The following NTM variants were observed in gnomAD, a reference collection of about 807,000 sequenced individuals.
NTM encodes neurotrimin, also known as IgLON family member 2.
NTM carries 13 observed loss-of-function variants against 42.1 expected under a neutral mutation model. The ratio of observed to expected loss-of-function variants is 0.31; its 90% confidence interval spans 0.20 to 0.49. The LOEUF (loss-of-function observed/expected upper bound fraction) is 0.49. Ranked by LOEUF, NTM falls within the 20% of genes least tolerant of loss-of-function variation. The pLI, the probability that NTM is intolerant of heterozygous loss-of-function variation, is 0.99. For missense variants in NTM, 373 were observed against 452.8 expected, an observed-to-expected ratio of 0.82 and a Z score of 1.60; for synonymous variants, 187 against 179.2, an observed-to-expected ratio of 1.04 and a Z score of -0.35.
chr11:131,736,419 G>A (rs563424156), intron 1 of NTM, among the ~76,000 whole-genome samples: 1 of 152,246 alleles, frequency 6.6e-6, no homozygotes, highest in East Asian at 1.9e-4. Context: ...CAGTATAGTA[G>A]GTGCCTCTAA....
intron 1 of NTM, among the ~76,000 whole-genome samples, chr11:131,468,775 G>A (rs1344237376): frequency 2.0e-5 from 3 of 152,164 alleles, no homozygotes; most frequent in African/African-American, 7.2e-5. Context: ...AACTCCCTAG[G>A]GAGGTGCAAG....
At chr11:131,800,416 A>G (rs1312301819) in intron 1 of NTM, among the ~76,000 whole-genome samples, 3 of 152,218 alleles carry the variant, frequency 2.0e-5, no homozygotes, top group Admixed American at 6.5e-5. Context: ...AAGGCTCTCC[A>G]TGGGAATTGT....
intron 2 of NTM, among the ~76,000 whole-genome samples, chr11:132,031,236 G>A (rs553911343): frequency 6.6e-6 from 1 of 152,012 alleles, no homozygotes; most frequent in Non-Finnish European, 1.5e-5. Flanking sequence ...TTTACTCTTA[G>A]TGTGAACATC....
intron 2 of NTM, among the ~76,000 whole-genome samples, chr11:131,948,241 T>A (rs2060567062): frequency 6.6e-6 from 1 of 151,788 alleles, no homozygotes; most frequent in Non-Finnish European, 1.5e-5. Flanking sequence ...GGTGGGTGCC[T>A]GTAGTCCCCG....
chr11:132,302,643 A>G (rs899733594), intron 4 of NTM, among the ~76,000 whole-genome samples: 2 of 152,188 alleles, frequency 1.3e-5, no homozygotes, highest in African/African-American at 4.8e-5. Context: ...CTGTCTTGAG[A>G]GCCAGAGATG....
At chr11:131,516,112 T>C (rs1565589132) in intron 1 of NTM, among the ~76,000 whole-genome samples, 1 of 152,252 alleles carries the variant, frequency 6.6e-6, no homozygotes, top group Non-Finnish European at 1.5e-5. Context: ...AAAGCATTAC[T>C]TGAGTGAATG....
chr11:131,431,568 A>G (rs972142430), intron 1 of NTM, among the ~76,000 whole-genome samples: 1 of 152,166 alleles, frequency 6.6e-6, no homozygotes, highest in East Asian at 1.9e-4. Context: ...ACAAGGAAGA[A>G]GCTCTGGGCA....
chr11:131,469,754 C>T (rs1952251622), intron 1 of NTM, among the ~76,000 whole-genome samples: 1 of 152,162 alleles, frequency 6.6e-6, no homozygotes, highest in Admixed American at 6.5e-5. Flanking sequence ...GATCATAGTA[C>T]CTCCCTCACT....
At chr11:131,619,198 G>A (rs1323105414) in intron 1 of NTM, among the ~76,000 whole-genome samples, 1 of 152,212 alleles carries the variant, frequency 6.6e-6, no homozygotes, top group Non-Finnish European at 1.5e-5. Flanking sequence ...GCTGGGCATT[G>A]AGTGGCAAAG....
intron 2 of NTM, among the ~76,000 whole-genome samples, chr11:132,016,806 G>C (rs1345870182): frequency 6.6e-6 from 1 of 151,834 alleles, no homozygotes; most frequent in African/African-American, 2.4e-5. Context: ...ACCAACACTT[G>C]TTACTGTCTT....
intron 1 of NTM, among the ~76,000 whole-genome samples, chr11:131,850,596 T>C (rs573468518): frequency 2.0e-5 from 3 of 152,194 alleles, no homozygotes; most frequent in African/African-American, 7.2e-5. Flanking sequence ...TAAAGAAAAC[T>C]GAGAAACAAA....
intron 1 of NTM, among the ~76,000 whole-genome samples, chr11:131,641,639 A>T (rs2065143182): frequency 6.6e-6 from 1 of 152,186 alleles, no homozygotes; most frequent in South Asian, 2.1e-4. Context: ...AGAGGAAAAG[A>T]CTAGATAATT....
rs570285129 is a variant in NTM at position 131,663,949 on chromosome 11, C to A, written c.83-247615C>A. Among the ~76,000 whole-genome samples, 7 of 152,322 alleles carry A rather than the reference C, an allele frequency of 4.6e-5. No individual in the cohort carries two copies. In the East Asian group the frequency reaches 1.4e-3, roughly 29 times the overall value. On this transcript the variant is annotated intron_variant, in intron 1 of 8. Transcript: ENST00000683400. Reference sequence around the variant, plus strand: ...AGCTTGAATTAGAGCTTGTGTCTATCTGACTACAGTATTTGTGCACTTAAC... The same window carrying A: ...AGCTTGAATTAGAGCTTGTGTCTATATGACTACAGTATTTGTGCACTTAAC...
At chr11:131,464,683 C>T (rs1014339190) in intron 1 of NTM, among the ~76,000 whole-genome samples, 1 of 152,176 alleles carries the variant, frequency 6.6e-6, no homozygotes, top group African/African-American at 2.4e-5. Flanking sequence ...GTCCTGGGAA[C>T]CAGCAGTGCC....
At chr11:131,686,052 CAG>C (rs1039484697) in intron 1 of NTM, among the ~76,000 whole-genome samples, 3 of 152,152 alleles carry the variant, frequency 2.0e-5, no homozygotes, top group Non-Finnish European at 2.9e-5. Flanking sequence ...GCTAAACAGA[CAG>C]GGGCTGATGA....
chr11:132,147,883 AGAAG>A (rs2070906456), intron 3 of NTM, among the ~76,000 whole-genome samples: 1 of 152,170 alleles, frequency 6.6e-6, no homozygotes. Context: ...GTGAGCCGGA[AGAAG>A]GAAGGGGAGG....
intron 1 of NTM, among the ~76,000 whole-genome samples, chr11:131,700,904 T>C (rs1025811617): frequency 8.5e-5 from 13 of 152,256 alleles, no homozygotes; most frequent in Admixed American, 7.9e-4. Context: ...CTGCAGGTTT[T>C]GTCTCTGGAG....
intron 2 of NTM, among the ~76,000 whole-genome samples, chr11:131,952,287 G>C (rs1293886082): frequency 1.3e-5 from 2 of 152,136 alleles, no homozygotes; most frequent in African/African-American, 4.8e-5. Context: ...AATTATAGAT[G>C]TATGCATATG....
At chr11:132,257,787 A>G (rs1244621334) in intron 4 of NTM, among the ~76,000 whole-genome samples, 2 of 152,194 alleles carry the variant, frequency 1.3e-5, no homozygotes, top group Admixed American at 1.3e-4. Flanking sequence ...TCAAAACTAC[A>G]TCCATCTGAT....
Sources: gnomAD v4.1 joint callset for allele counts (sites outside exome capture counted in the v4.1 genomes callset) on GRCh38, gnomAD v4.1.1 for gene constraint, MANE v1.5 for transcripts, NCBI Gene and HGNC (gene_info 2026-07-23, HGNC 2026-07-21) for gene names.